Variants in DOK4 observed in about 807,000 individuals in gnomAD.
The protein encoded by DOK4 is downstream of tyrosine kinase 4.
A neutral mutation model predicts 40.1 loss-of-function variants in DOK4; 26 were observed. The observed-to-expected ratio is 0.65, with a 90% confidence interval of 0.48 to 0.90. The LOEUF is 0.90. Among genes scored for constraint, DOK4 ranks in the 40% least tolerant of loss-of-function variants. The pLI is 0.00. For missense variants in DOK4, 392 were observed against 437.2 expected, an observed-to-expected ratio of 0.90 and a Z score of 0.92; for synonymous variants, 179 against 177.0, an observed-to-expected ratio of 1.01 and a Z score of -0.09.
At position 57,476,135 on chromosome 16, in the gene DOK4, C is replaced by T. The variant is rs183908948; in HGVS notation, c.67-178G>A. The T allele has an allele frequency of 5.8e-4, 347 of 598,928 alleles. 1 individual carries two copies. Among genetic ancestry groups the T allele is most frequent in the Admixed American group, 2.1e-3 (72 of 33,960 alleles). 37.1% of individuals were successfully genotyped at this position (598,928 alleles called of 1,614,324 possible). A position where few individuals can be genotyped will look rare whatever the true frequency, so the allele number is the denominator to read the frequency against. On this transcript the variant is annotated intron_variant, in intron 2 of 8. Transcript: ENST00000340099. ...CAGTGTCACCTCCCTGGGAGAGAAG[C>T]CTCCTCCCCAAATTGAAAAGTCATT...
chr16:57,475,310 G>A (rs1159682337), intron 4 of DOK4, 91 bp from the exon 5 acceptor site: 8 of 1,554,258 alleles, frequency 5.1e-6, no homozygotes, highest in Non-Finnish European at 6.9e-6. Flanking sequence ...GCACAGCAGG[G>A]AGGGTAAGGA....
In DOK4 at chr16:57,474,994, G is replaced by T. The variant is rs1166444121; in HGVS notation, c.410-12C>A. The T allele has an allele frequency of 1.9e-6, 3 of 1,603,322 alleles. No individual in the cohort carries two copies. Among genetic ancestry groups the T allele is most frequent in the African/African-American group, 2.7e-5 (2 of 74,902 alleles). On this transcript the variant is annotated splice_polypyrimidine_tract_variant and intron_variant, in intron 5 of 8. Coordinates refer to ENST00000340099, the Ensembl canonical transcript of DOK4. ...GACATTGAAGCGATCTGGAGTGGGG[G>T]AGGGTGGACAAGTGGGACCAGAGTT...
intron 2 of DOK4, chr16:57,476,224 G>C: frequency 4.2e-6 from 2 of 479,872 alleles, no homozygotes; most frequent in Admixed American, 6.8e-5. Context: ...GCCATGTACT[G>C]TGTGCACCGC....
chr16:57,473,300 A>C (rs1025312429), exon 9 of DOK4: 1 of 1,522,270 alleles, frequency 6.6e-7, no homozygotes, highest in Admixed American at 2.0e-5. Flanking sequence ...CAGCCCCCTG[A>C]GGCTGTCCAC....
exon 8 of DOK4, chr16:57,473,680 C>G: frequency 1.2e-6 from 2 of 1,614,214 alleles, no homozygotes; most frequent in Middle Eastern, 3.3e-4. Flanking sequence ...CACTGCGCGG[C>G]AGCATGGTCG....
exon 4 of DOK4, chr16:57,475,519 G>A: frequency 6.2e-7 from 1 of 1,607,232 alleles, no homozygotes; most frequent in Non-Finnish European, 8.5e-7. Flanking sequence ...AGTCGCAGGT[G>A]AAGGTACGTG....
exon 1 of DOK4, chr16:57,486,384 G>T: frequency 6.6e-6 from 1 of 151,476 alleles, no homozygotes; most frequent in South Asian, 1.8e-4. Context: ...CGGCGCGGCT[G>T]GCGGGGGCGG....
intron 3 of DOK4, 78 bp from the exon 4 acceptor site, chr16:57,475,698 C>CTCCG: frequency 1.2e-6 from 1 of 833,146 alleles, no homozygotes; most frequent in Non-Finnish European, 1.9e-6. Flanking sequence ...CTCTCTCTCC[C>CTCCG]TCCCTCCCTC....
rs1300055949 is a variant in DOK4, at chr16:57,485,693, A to T, written c.-182+612T>A. Among the ~76,000 whole-genome samples the T allele has an allele frequency of 1.3e-5, 2 of 152,032 alleles. No individual in the cohort carries two copies. The highest frequency in any genetic ancestry group is 4.8e-5 in the African/African-American group (2 of 41,400). ...CCAGCCTCGGCTCATGCCCCTTTTC[A>T]GTAATAGAAAGCATGTAACTGGATC... On this transcript the variant is annotated intron_variant, in intron 1 of 8. Transcript: ENST00000340099. This position sits in a 1 kb window ranked among gnomAD's most constrained non-coding sequence, Gnocchi z 4.3.
At chr16:57,473,972 C>T (rs146675149) in exon 7 of DOK4, 135 of 1,613,954 alleles carry the variant, frequency 8.4e-5, no homozygotes, top group Non-Finnish European at 1.1e-4. Context: ...GCACTGTGGA[C>T]GCGCTGGTAA....
chr16:57,474,018 T>C (rs770561582), exon 7 of DOK4: 2 of 1,613,816 alleles, frequency 1.2e-6, no homozygotes, highest in Non-Finnish European at 1.7e-6. Context: ...AGGTATAGAG[T>C]CCTTCCCCAG....
chr16:57,475,045 C>A, intron 5 of DOK4, 55 bp downstream of exon 5: 1 of 1,577,430 alleles, frequency 6.3e-7, no homozygotes, highest in Non-Finnish European at 8.7e-7. Context: ...TTCCTCCCTC[C>A]CTTCCTCTCT....
At chr16:57,477,984 C>G (rs1231193320) in intron 2 of DOK4, among the ~76,000 whole-genome samples, 1 of 152,244 alleles carries the variant, frequency 6.6e-6, no homozygotes, top group Non-Finnish European at 1.5e-5. Context: ...CAAGTGGCTG[C>G]CCTTGTGGCT....
intron 1 of DOK4, among the ~76,000 whole-genome samples, chr16:57,482,869 C>A (rs1487097887): frequency 2.6e-5 from 4 of 152,212 alleles, no homozygotes; most frequent in Non-Finnish European, 5.9e-5. Flanking sequence ...CCAGACAGGG[C>A]GGTGAAACCA....
intron 1 of DOK4, among the ~76,000 whole-genome samples, chr16:57,483,129 A>G (rs1443026635): frequency 9.8e-6 from 1 of 102,162 alleles, no homozygotes; most frequent in African/African-American, 5.1e-5. Flanking sequence ...GACCTAACCT[A>G]GGACCCAAAA....
At position 57,479,406 on chromosome 16, in the gene DOK4, C is replaced by T; in HGVS notation, c.66+36G>A. Reference sequence around the variant, plus strand: ...GGACCGAGTCCTCGGGCCCCCATCCCTTGGCAGGGCCCCTCCGCAGCTCAG... The same window carrying T: ...GGACCGAGTCCTCGGGCCCCCATCCTTTGGCAGGGCCCCTCCGCAGCTCAG... On this transcript the variant is annotated intron_variant, in intron 2 of 8. Coordinates refer to ENST00000340099, the Ensembl canonical transcript of DOK4. This position sits in a 1 kb window ranked among gnomAD's most constrained non-coding sequence, Gnocchi z 5.8. 6.2e-7 allele frequency: 1 copy of T among 1,610,404 alleles called. No individual in the cohort carries two copies. The highest frequency in any genetic ancestry group is 2.2e-5 in the East Asian group (1 of 44,790).
chr16:57,475,360 G>T (rs2146629924), intron 4 of DOK4, 141 bp from the exon 5 acceptor site: 1 of 1,451,334 alleles, frequency 6.9e-7, no homozygotes, highest in Non-Finnish European at 9.4e-7. Flanking sequence ...AACCCTGAGG[G>T]CCTGCTCCCT....
In DOK4 at chr16:57,479,621, C is replaced by A; in HGVS notation, c.-114G>T. On this transcript the variant is annotated 5_prime_UTR_variant, in exon 2 of 9. Transcript: ENST00000340099. This position sits in a 1 kb window ranked among gnomAD's most constrained non-coding sequence, Gnocchi z 5.8. ...TGTTCCAGACACTCTGTCGGGGCTG[C>A]CGCGAGGGGCTGCTCCTCACCTCAC... 8.9e-7 allele frequency: 1 copy of A among 1,127,142 alleles called. No individual in the cohort carries two copies. The highest frequency in any genetic ancestry group is 1.3e-5 in the South Asian group (1 of 76,038). 69.8% of individuals were successfully genotyped at this position (1,127,142 alleles called of 1,614,324 possible). A position where few individuals can be genotyped will look rare whatever the true frequency, so the allele number is the denominator to read the frequency against.
chr16:57,473,327 C>CCCCGCAGCAGGCAG, exon 9 of DOK4: 1 of 1,574,216 alleles, frequency 6.4e-7, no homozygotes, highest in Non-Finnish European at 8.6e-7. Flanking sequence ...CTGCAGCCAG[C>CCCCGCAGCAGGCAG]CCCGCAGCAG....
Sources: gnomAD v4.1 joint callset for allele counts (sites outside exome capture counted in the v4.1 genomes callset) on GRCh38, gnomAD v4.1.1 for gene constraint, Gnocchi (gnomAD v3.1) non-coding constraint, MANE v1.5 for transcripts, NCBI Gene and HGNC (gene_info 2026-07-23, HGNC 2026-07-21) for gene names.